ZNF445: variants seen among roughly 807,000 people sequenced by gnomAD.
ZNF445 encodes zinc finger protein 445.
ZNF445 carries 19 observed loss-of-function variants against 93.9 expected under a neutral mutation model. The observed-to-expected ratio is 0.20, with a 90% CI of 0.14 to 0.30. The LOEUF (loss-of-function observed/expected upper bound fraction) is 0.30, where lower values mean the gene tolerates loss of function less well. Ranked by LOEUF, ZNF445 falls within the 10% of genes least tolerant of loss-of-function variation. The probability of loss-of-function intolerance (pLI) is 1.00; values close to 1 mark genes in which losing one functional copy is unlikely to be tolerated. For missense variants in ZNF445, 1,058 were observed against 1,259.4 expected (o/e 0.84, Z 2.42); for synonymous variants, 449 against 446.3 (o/e 1.01, Z -0.08).
At chr3:44,459,702 T>C (rs1242026817) in intron 1 of ZNF445, among the ~76,000 whole-genome samples, 1 of 152,222 alleles carries the variant, frequency 6.6e-6, no homozygotes, top group Non-Finnish European at 1.5e-5. Context: ...TGACATGGGC[T>C]TATGCATACA....
Position 44,436,987 on chromosome 3 carries a change from C to T in ZNF445, c.*9588G>A, listed in dbSNP as rs1014465097. On this transcript the variant is annotated 3_prime_UTR_variant, in exon 8 of 8. Coordinates refer to ENST00000396077, the MANE Select transcript of ZNF445 (RefSeq NM_181489.6). ...CACAAGAAAGAATTCAGGGCGAGTC[C>T]GTAAAGAGAAAGCAAGTTTATTAAG... is the stretch of plus-strand genomic sequence containing the variant. The T allele has an allele frequency of 3.3e-5, 5 of 152,082 alleles. No individual in the cohort carries two copies. The highest frequency in any genetic ancestry group is 5.9e-5 in the Non-Finnish European group (4 of 68,030). 9.4% of individuals were successfully genotyped at this position (152,082 alleles called of 1,614,324 possible). A position where few individuals can be genotyped will look rare whatever the true frequency, so the allele number is the denominator to read the frequency against.
intron 1 of ZNF445, among the ~76,000 whole-genome samples, chr3:44,473,486 C>CAAAA (rs1256627404): frequency 1.9e-4 from 12 of 61,554 alleles, no homozygotes; most frequent in African/African-American, 4.6e-4. Flanking sequence ...CACACACACA[C>CAAAA]ACACAAAAAA....
intron 1 of ZNF445, among the ~76,000 whole-genome samples, chr3:44,466,596 T>C (rs1005733140): frequency 2.0e-5 from 3 of 152,206 alleles, no homozygotes; most frequent in Non-Finnish European, 4.4e-5. Context: ...GTCAATCGTG[T>C]CTTTAACTGT....
rs1697709371 is a variant in ZNF445, at chr3:44,437,568, G to C, written c.*9007C>G. 1 of 152,146 alleles carries C rather than the reference G, an allele frequency of 6.6e-6. No homozygotes were observed. 9.4% of individuals were successfully genotyped at this position (152,146 alleles called of 1,614,324 possible). A position where few individuals can be genotyped will look rare whatever the true frequency, so the allele number is the denominator to read the frequency against. Reference sequence around the variant, plus strand: ...TAGGATGGAGTAACCTCTAACCTGAGGTCAGTCAAGTGTCCTTGCCTTTTA... The same window carrying C: ...TAGGATGGAGTAACCTCTAACCTGACGTCAGTCAAGTGTCCTTGCCTTTTA... On this transcript the variant is annotated 3_prime_UTR_variant, in exon 8 of 8. Transcript: ENST00000396077.
intron 3 of ZNF445, among the ~76,000 whole-genome samples, chr3:44,453,351 C>T (rs1486920053): frequency 6.6e-6 from 1 of 150,946 alleles, no homozygotes; most frequent in East Asian, 1.9e-4. Context: ...CTAGACTGCA[C>T]TGGTGAAATC....
At chr3:44,462,019 C>T (rs1434523971) in intron 1 of ZNF445, among the ~76,000 whole-genome samples, 3 of 151,560 alleles carry the variant, frequency 2.0e-5, no homozygotes, top group Non-Finnish European at 4.4e-5. Context: ...CTCTCTCTGT[C>T]TGGGTAAATG....
intron 2 of ZNF445, among the ~76,000 whole-genome samples, chr3:44,457,280 C>CT (rs545526993): frequency 7.3e-5 from 11 of 149,888 alleles, no homozygotes; most frequent in Non-Finnish European, 1.5e-4. Context: ...TTTTTTTTTT[C>CT]TTTTTTTTAA....
chr3:44,462,552 G>C (rs899249997), intron 1 of ZNF445, among the ~76,000 whole-genome samples: 1 of 152,010 alleles, frequency 6.6e-6, no homozygotes, highest in Non-Finnish European at 1.5e-5. Context: ...ATTCCTGTCT[G>C]GTTTTTTATT....
At position 44,447,796 on chromosome 3, in the gene ZNF445, A is replaced by G; in HGVS notation, c.1875T>C (p.Tyr625=). 4 of 1,614,116 alleles carry G rather than the reference A, an allele frequency of 2.5e-6. No individual in the cohort carries two copies. The highest frequency in any genetic ancestry group is 3.4e-6 in the Non-Finnish European group (4 of 1,180,038). The change falls in exon 8 of 8, where the codon TAT becomes TAC. Residue 625 remains tyrosine, a synonymous_variant. Transcript: ENST00000396077. The surrounding 1 kb of genome is among the most constrained non-coding windows in gnomAD (Gnocchi z 4.7). Reference sequence around the variant, plus strand: ...AGGTTTTCCTACATTTGGTACATTTATAGGGCTTCTCCTGGGTGTGAATCC... The same window carrying G: ...AGGTTTTCCTACATTTGGTACATTTGTAGGGCTTCTCCTGGGTGTGAATCC... ...HQRIHTQEKP[Y]KCTKCRKTFR... is the part of the protein sequence containing the mutation.
chr3:44,446,452 T>C lies in ZNF445; in HGVS notation c.*123A>G. The C allele has an allele frequency of 4.2e-6, 6 of 1,425,316 alleles. No individual in the cohort carries two copies. The highest frequency in any genetic ancestry group is 4.7e-6 in the Non-Finnish European group (5 of 1,055,316). 88.3% of individuals were successfully genotyped at this position (1,425,316 alleles called of 1,614,324 possible). The stretch of plus-strand genomic sequence containing the variant: ...GAGCTTTCAAATCCTTGGGATTCTG[T>C]CACTAGCTTCCAAAACAGAAAGGGC... On this transcript the variant is annotated 3_prime_UTR_variant, in exon 8 of 8. Transcript: ENST00000396077. The surrounding 1 kb of genome is among the most constrained non-coding windows in gnomAD (Gnocchi z 4.2).
chr3:44,462,820 C>T (rs115744225), intron 1 of ZNF445, among the ~76,000 whole-genome samples: 1,628 of 152,080 alleles, frequency 0.011, 33 homozygotes, highest in African/African-American at 0.037. Context: ...ATATTGGCCA[C>T]TTGGTATGGC....
At chr3:44,472,114 G>C (rs1426758241) in intron 1 of ZNF445, among the ~76,000 whole-genome samples, 1 of 152,112 alleles carries the variant, frequency 6.6e-6, no homozygotes, top group Non-Finnish European at 1.5e-5. Flanking sequence ...AGTATGAAAA[G>C]AACCAAAATG....
rs1697832293 is a variant in ZNF445, at chr3:44,443,139, G to C, written c.*3436C>G. On this transcript the variant is annotated 3_prime_UTR_variant, in exon 8 of 8. Coordinates refer to ENST00000396077, the MANE Select transcript of ZNF445 (RefSeq NM_181489.6). ...GAAGAGCTGAACTGGCAGAGAGAGG[G>C]GTGTGGCACTCCAGGTGAAGGGAGG... is the stretch of plus-strand genomic sequence containing the variant. 1 of 152,200 alleles carries C rather than the reference G, an allele frequency of 6.6e-6. No individual in the cohort carries two copies. Among genetic ancestry groups the C allele is most frequent in the African/African-American group, 2.4e-5 (1 of 41,412 alleles). 9.4% of individuals were successfully genotyped at this position (152,200 alleles called of 1,614,324 possible). A position where few individuals can be genotyped will look rare whatever the true frequency, so the allele number is the denominator to read the frequency against.
chr3:44,455,431 G>A lies in ZNF445; in HGVS notation c.119C>T (p.Ala40Val). 1.9e-6 allele frequency: 3 copies of A among 1,614,202 alleles called. No individual in the cohort carries two copies. The highest frequency in any genetic ancestry group is 2.5e-6 in the Non-Finnish European group (3 of 1,180,040). Residue 40 changes from alanine to valine, a missense_variant, in exon 3 of 8, where the codon GCT becomes GTT. Physicochemically the swap from Ala to Val is moderately conservative, Grantham distance 64 (BLOSUM62 0). This residue lies in a region of ZNF445 where 657 missense variants were observed against 746.4 expected (regional missense o/e 0.88). Coordinates refer to ENST00000396077, the MANE Select transcript of ZNF445 (RefSeq NM_181489.6). ...EEDESYTPVQ[A>V]ARPQTLNRPG... is the part of the protein sequence containing the mutation. ...GCGGTTGAGAGTCTGTGGCCTGGCA[G>A]CCTGCACTGGAGTATAGCTTTCATC...
chr3:44,455,731 A>G lies in ZNF445; in HGVS notation c.-147-35T>C, dbSNP rs1205395184. 3 of 600,216 alleles carry G rather than the reference A, an allele frequency of 5.0e-6. No individual in the cohort carries two copies. In the African/African-American group the frequency reaches 5.6e-5, roughly 11 times the overall value. 37.2% of individuals were successfully genotyped at this position (600,216 alleles called of 1,614,324 possible). ...AGGGGATGAGAGAATAATGTCCATT[A>G]TACATGGTGCAGTTGGATTCTGCTG... On this transcript the variant is annotated intron_variant, in intron 2 of 7. Transcript: ENST00000396077.
chr3:44,469,232 C>T (rs1029500016), intron 1 of ZNF445, among the ~76,000 whole-genome samples: 5 of 152,104 alleles, frequency 3.3e-5, no homozygotes, highest in African/African-American at 1.2e-4. Context: ...TGAGAAAAGA[C>T]ACCACCCCCA....
chr3:44,448,304 C>A lies in ZNF445; in HGVS notation c.1367G>T (p.Gly456Val). 1 of 1,614,152 alleles carries A rather than the reference C, an allele frequency of 6.2e-7. No individual in the cohort carries two copies. The highest frequency in any genetic ancestry group is 1.1e-5 in the South Asian group (1 of 91,082). The change falls in exon 8 of 8, where the codon GGG (glycine) becomes GTG (valine). Residue 456 changes from glycine to valine, a missense_variant. Physicochemically the swap from Gly to Val is moderately radical, Grantham distance 109 (BLOSUM62 -3). Transcript: ENST00000396077. ...LHQRIHSGLK[G>V]NKKDVCGKDF... ...TTTTCCACACACGTCCTTTTTGTTC[C>A]CTTTCAGTCCACTATGAATTCTCTG...
At chr3:44,449,665 A>T in intron 6 of ZNF445, 42 bp from the exon 7 acceptor site, 1 of 1,497,464 alleles carries the variant, frequency 6.7e-7, no homozygotes, top group Admixed American at 1.7e-5. Flanking sequence ...GAGATGGATG[A>T]CACAGAACTA....
intron 6 of ZNF445, chr3:44,450,241 C>A (rs1238299375): frequency 1.6e-6 from 1 of 614,838 alleles, no homozygotes; most frequent in East Asian, 3.1e-5. Context: ...ACCCAGCCAC[C>A]TTTAATCTTT....
Sources: allele counts gnomAD v4.1 joint callset (sites outside exome capture counted in the v4.1 genomes callset), GRCh38; gene constraint gnomAD v4.1.1; regional missense constraint gnomAD v4.1.1; non-coding constraint Gnocchi (gnomAD v3.1); transcripts MANE v1.5; gene names NCBI Gene and HGNC (gene_info 2026-07-23, HGNC 2026-07-21).